Variants in ADAM22 observed in about 807,000 individuals in gnomAD.
ADAM22 encodes disintegrin and metalloproteinase domain-containing protein 22.
In ADAM22, 65 loss-of-function variants were observed where a neutral mutation model predicts 144.6. That is an observed-to-expected ratio of 0.45 (90% confidence interval 0.37 to 0.55). The LOEUF (loss-of-function observed/expected upper bound fraction) is 0.55. Among genes scored for constraint, ADAM22 ranks in the 20% least tolerant of loss-of-function variants. The pLI is 0.00. For synonymous variants in ADAM22, 391 were observed against 412.6 expected (o/e 0.95, Z 0.63); for missense variants, 974 against 1,184.9 (o/e 0.82, Z 2.61).
chr7:88,091,005 A>G (rs1461225510), intron 4 of ADAM22, among the ~76,000 whole-genome samples: 2 of 152,202 alleles, frequency 1.3e-5, no homozygotes, highest in Admixed American at 6.6e-5. Context: ...AATACTGAAC[A>G]AAAGTTTATC....
rs1463964700 is a variant in ADAM22, at chr7:88,202,373, A to G, written c.*5882A>G. ...TTTCAGAAACGGGGTGTTTTACCTA[A>G]ACATAGTAGCTTACATGTTAGCCAG... On this transcript the variant is annotated 3_prime_UTR_variant, in exon 32 of 32. Transcript: ENST00000413139. The G allele has an allele frequency of 6.6e-6, 1 of 152,146 alleles. No individual in the cohort carries two copies. Among genetic ancestry groups the G allele is most frequent in the African/African-American group, 2.4e-5 (1 of 41,424 alleles). 9.4% of individuals were successfully genotyped at this position (152,146 alleles called of 1,614,324 possible). A position where few individuals can be genotyped will look rare whatever the true frequency, so the allele number is the denominator to read the frequency against.
Position 88,186,688 on chromosome 7 carries a change from GGA to G in ADAM22, c.2738_2739del (p.Gly913AlafsTer4). 2 of 1,600,148 alleles carry G rather than the reference GGA, an allele frequency of 1.2e-6. No individual in the cohort carries two copies. Among genetic ancestry groups the G allele is most frequent in the Non-Finnish European group, 1.7e-6 (2 of 1,167,566 alleles). On this transcript the variant is annotated frameshift_variant, in exon 30 of 32. Coordinates refer to ENST00000413139, the MANE Select transcript of ADAM22 (RefSeq NM_001324418.2). LOFTEE classifies it high-confidence loss of function. ...AGAAGATGTGAATAAAAACACTGAAGGACCATACTTTAGGTATTTTATAAATT... is the reference window on the plus strand; with the variant it reads ...AGAAGATGTGAATAAAAACACTGAAGCCATACTTTAGGTATTTTATAAATT... Reference protein sequence around the residue: ...WVEDVNKNTEGPYFRTLSPAK... With the variant: ...WVEDVNKNTEXPYFRTLSPAK...
chr7:88,042,224 A>G (rs902291821), intron 3 of ADAM22, among the ~76,000 whole-genome samples: 2 of 152,052 alleles, frequency 1.3e-5, no homozygotes, highest in African/African-American at 4.8e-5. Flanking sequence ...TTTATTTAGT[A>G]GGCCATAAGA....
rs116433530 is a variant in ADAM22, at chr7:88,106,577, C to T, written c.391-1599C>T. 1.9e-3 allele frequency among the ~76,000 whole-genome samples: 284 copies of T among 152,284 alleles called. 1 individual carries two copies. Among genetic ancestry groups the T allele is most frequent in the African/African-American group, 6.2e-3 (259 of 41,566 alleles). ...TGCGCCTTTAAACCACCCATCCTATCGGTCCTTTCTGTTTCACTCTTTCGT... is the reference window on the plus strand; with the variant it reads ...TGCGCCTTTAAACCACCCATCCTATTGGTCCTTTCTGTTTCACTCTTTCGT... On this transcript the variant is annotated intron_variant, in intron 4 of 31. Transcript: ENST00000413139.
chr7:88,007,098 T>C (rs556602247), intron 3 of ADAM22, among the ~76,000 whole-genome samples: 66 of 152,298 alleles, frequency 4.3e-4, no homozygotes, highest in African/African-American at 1.5e-3. Flanking sequence ...AGCATTCTTA[T>C]ACACCAATAA....
chr7:88,071,413 T>TA (rs1463811186), intron 3 of ADAM22, among the ~76,000 whole-genome samples: 1 of 146,038 alleles, frequency 6.8e-6, no homozygotes, highest in Non-Finnish European at 1.5e-5. Flanking sequence ...TTTTTTTTTT[T>TA]AGTGTCTCCA....
intron 3 of ADAM22, among the ~76,000 whole-genome samples, chr7:88,031,322 A>G (rs1203265533): frequency 6.6e-6 from 1 of 152,204 alleles, no homozygotes; most frequent in Non-Finnish European, 1.5e-5. Flanking sequence ...GTTCAGAAGA[A>G]GAGAGGAAGA....
chr7:88,007,865 G>A (rs1421700506), intron 3 of ADAM22, among the ~76,000 whole-genome samples: 5 of 152,040 alleles, frequency 3.3e-5, no homozygotes, highest in East Asian at 1.9e-4. Flanking sequence ...TAAAACACCA[G>A]AAGCAATGGC....
chr7:88,098,902 C>G (rs1822169072), intron 4 of ADAM22, among the ~76,000 whole-genome samples: 1 of 152,114 alleles, frequency 6.6e-6, no homozygotes, highest in African/African-American at 2.4e-5. Flanking sequence ...CTACAAGATC[C>G]TAGTGCTCAC....
chr7:88,082,402 A>C, intron 4 of ADAM22, among the ~76,000 whole-genome samples: 1 of 152,202 alleles, frequency 6.6e-6, no homozygotes, highest in Non-Finnish European at 1.5e-5. Context: ...AAACCTAGGC[A>C]ATACCATTCA....
intron 12 of ADAM22, among the ~76,000 whole-genome samples, chr7:88,133,723 C>T (rs1354788988): frequency 6.6e-6 from 1 of 152,086 alleles, no homozygotes; most frequent in African/African-American, 2.4e-5. Flanking sequence ...AGTAGGTTTT[C>T]CAAAGGGTTT....
intron 2 of ADAM22, among the ~76,000 whole-genome samples, chr7:87,969,970 A>G (rs1850035702): frequency 6.6e-6 from 1 of 152,216 alleles, no homozygotes; most frequent in Non-Finnish European, 1.5e-5. Flanking sequence ...GAAAACACTA[A>G]TGTTCTTACA....
intron 14 of ADAM22, 57 bp from the exon 15 acceptor site, chr7:88,142,969 A>G (rs1835238580): frequency 1.8e-6 from 2 of 1,097,184 alleles, no homozygotes; most frequent in Admixed American, 3.7e-5. Context: ...GTTTTCAGAC[A>G]TTCACAAATG....
At chr7:87,945,658 G>T (rs958267642) in intron 2 of ADAM22, among the ~76,000 whole-genome samples, 1 of 151,676 alleles carries the variant, frequency 6.6e-6, no homozygotes, top group African/African-American at 2.4e-5. Context: ...GATTACAGGC[G>T]CCTGCCACCG....
chr7:87,957,972 T>C (rs1847181116), intron 2 of ADAM22, among the ~76,000 whole-genome samples: 1 of 152,234 alleles, frequency 6.6e-6, no homozygotes, highest in African/African-American at 2.4e-5. Context: ...ATAGCATATA[T>C]ATCCTTTTAC....
chr7:88,194,373 G>C (rs1270493307), intron 31 of ADAM22, among the ~76,000 whole-genome samples: 1 of 152,180 alleles, frequency 6.6e-6, no homozygotes, highest in Non-Finnish European at 1.5e-5. Context: ...GGCTCTGGCT[G>C]CTGGGATTGT....
intron 3 of ADAM22, among the ~76,000 whole-genome samples, chr7:88,035,777 G>GT (rs1439594895): frequency 6.6e-6 from 1 of 152,096 alleles, no homozygotes; most frequent in African/African-American, 2.4e-5. Context: ...ATGGATTTTG[G>GT]TATCTGCTCA....
intron 2 of ADAM22, among the ~76,000 whole-genome samples, chr7:87,958,996 A>T (rs1258475546): frequency 6.6e-6 from 1 of 152,030 alleles, no homozygotes; most frequent in East Asian, 1.9e-4. Flanking sequence ...ATGTTATCCT[A>T]TTTAGATCCT....
intron 2 of ADAM22, among the ~76,000 whole-genome samples, chr7:87,969,520 C>G (rs1849932123): frequency 6.6e-6 from 1 of 152,118 alleles, no homozygotes; most frequent in African/African-American, 2.4e-5. Context: ...TTTCCCAGAG[C>G]CTGGTATGAT....
Sources: allele counts gnomAD v4.1 joint callset (sites outside exome capture counted in the v4.1 genomes callset), GRCh38; gene constraint gnomAD v4.1.1; transcripts MANE v1.5; gene names NCBI Gene and HGNC (gene_info 2026-07-23, HGNC 2026-07-21).